Variants in TANC2 observed in about 807,000 individuals in gnomAD.
TANC2 encodes the protein tetratricopeptide repeat, ankyrin repeat and coiled-coil containing 2.
A neutral mutation model predicts 210.5 loss-of-function variants in TANC2; 26 were observed. The observed-to-expected ratio is 0.12, with a 90% CI of 0.09 to 0.17. The LOEUF (loss-of-function observed/expected upper bound fraction) is 0.17. Ranked by LOEUF, TANC2 falls within the 10% of genes least tolerant of loss-of-function variation. The pLI is 1.00. For synonymous variants in TANC2, 931 were observed against 967.1 expected (o/e 0.96, Z 0.69); for missense variants, 2,129 against 2,608.9 (o/e 0.82, Z 4.01).
intron 11 of TANC2, among the ~76,000 whole-genome samples, chr17:63,328,359 G>GGTATGT (rs1264666073): frequency 2.8e-5 from 4 of 145,118 alleles, no homozygotes; most frequent in Non-Finnish European, 1.5e-5. Context: ...TTTAAAACAT[G>GGTATGT]GTATGTGTAT....
rs564076395 is a variant in TANC2, at chr17:63,399,860, A to G, written c.3331+946A>G. Among the ~76,000 whole-genome samples the G allele has an allele frequency of 2.6e-5, 4 of 152,342 alleles. No homozygotes were observed. The South Asian group carries it at 8.3e-4, about 32-fold the overall frequency. On this transcript the variant is annotated intron_variant, in intron 19 of 27. Transcript: ENST00000689528. The stretch of plus-strand genomic sequence containing the variant: ...CACATTTCCTGACTTCTTTAACATC[A>G]TGTGGAATGGTCCAAAACTCAGGAA...
Position 63,413,728 on chromosome 17 carries a change from G to GCT in TANC2, c.4020+95_4020+96insTC, listed in dbSNP as rs531053107. On this transcript the variant is annotated intron_variant, in intron 25 of 27. Transcript: ENST00000689528. ...AAAGTCTTGATAATTCTCATCCTTT[G>GCT]CGTAGAGGCAAAGGGAAACTACTGT... 1,049 of 1,184,712 alleles carry GCT rather than the reference G, an allele frequency of 8.9e-4. 6 individuals are homozygous for GCT. The African/African-American group carries it at 0.014, about 15-fold the overall frequency. 73.4% of individuals were successfully genotyped at this position (1,184,712 alleles called of 1,614,324 possible). A position where few individuals can be genotyped will look rare whatever the true frequency, so the allele number is the denominator to read the frequency against.
At chr17:63,298,803 G>T (rs117745276) in intron 9 of TANC2, among the ~76,000 whole-genome samples, 110 of 152,204 alleles carry the variant, frequency 7.2e-4, no homozygotes, top group East Asian at 7.1e-3. Flanking sequence ...TGCAGAACTT[G>T]TAGGGTTGTT....
intron 2 of TANC2, among the ~76,000 whole-genome samples, chr17:63,058,970 G>A (rs866316251): frequency 2.0e-5 from 3 of 151,950 alleles, no homozygotes; most frequent in South Asian, 2.1e-4. Flanking sequence ...TTCCAGTTCT[G>A]TGAAGAATGT....
Position 63,342,237 on chromosome 17 carries a change from T to C in TANC2, c.1807+1905T>C, listed in dbSNP as rs113515708. ...AAGAATTTAAAATTATTATTATTAA[T>C]ATTTATTAAATATTTACCATATGCC... On this transcript the variant is annotated intron_variant, in intron 12 of 27. Coordinates refer to ENST00000689528, the Ensembl canonical transcript of TANC2. Among the ~76,000 whole-genome samples the C allele has an allele frequency of 7.6e-3, 1,157 of 152,006 alleles. 15 individuals carry two copies. The highest frequency in any genetic ancestry group is 0.025 in the African/African-American group (1,056 of 41,532).
chr17:63,240,330 C>T (rs1459403306), intron 8 of TANC2, among the ~76,000 whole-genome samples: 1 of 152,186 alleles, frequency 6.6e-6, no homozygotes, highest in East Asian at 1.9e-4. Flanking sequence ...TGTAGTCAGT[C>T]TGAATGAACA....
intron 27 of TANC2, among the ~76,000 whole-genome samples, chr17:63,419,754 C>T (rs760682277): frequency 6.6e-6 from 1 of 152,118 alleles, no homozygotes; most frequent in Non-Finnish European, 1.5e-5. Flanking sequence ...CAAAATGGGG[C>T]ATTTCTCCAC....
At chr17:63,145,593 C>T (rs28626208) in intron 4 of TANC2, among the ~76,000 whole-genome samples, 91,042 of 151,904 alleles carry the variant, frequency 0.6, 29,759 homozygotes, top group African/African-American at 0.86. Flanking sequence ...TTTTATATGA[C>T]GTAAGATAAG....
At chr17:63,000,688 T>C (rs2033332176) in intron 1 of TANC2, among the ~76,000 whole-genome samples, 1 of 152,230 alleles carries the variant, frequency 6.6e-6, no homozygotes, top group African/African-American at 2.4e-5. Flanking sequence ...GGGATGTATC[T>C]GATGATTCCT....
intron 12 of TANC2, among the ~76,000 whole-genome samples, chr17:63,346,797 T>A (rs2046425655): frequency 1.3e-5 from 2 of 152,006 alleles, no homozygotes; most frequent in Non-Finnish European, 2.9e-5. Flanking sequence ...CTCGACCCCC[T>A]CGGCTCAAGC....
chr17:63,341,732 A>G (rs772235554), intron 12 of TANC2, among the ~76,000 whole-genome samples: 2 of 152,194 alleles, frequency 1.3e-5, no homozygotes, highest in Non-Finnish European at 2.9e-5. Flanking sequence ...TCTAGACTTT[A>G]TGTGTTTCTT....
intron 1 of TANC2, among the ~76,000 whole-genome samples, chr17:63,001,000 C>T (rs891102592): frequency 6.9e-6 from 1 of 145,220 alleles, no homozygotes; most frequent in African/African-American, 2.5e-5. Flanking sequence ...TCTATATCTT[C>T]AAGAAGTAGC....
chr17:63,205,229 G>A (rs2145829071), intron 7 of TANC2, among the ~76,000 whole-genome samples: 1 of 150,994 alleles, frequency 6.6e-6, no homozygotes, highest in East Asian at 2.0e-4. Flanking sequence ...ATATTGACAT[G>A]CAAAAGAATG....
intron 5 of TANC2, among the ~76,000 whole-genome samples, chr17:63,164,425 G>A (rs921127668): frequency 3.9e-5 from 6 of 152,028 alleles, no homozygotes; most frequent in African/African-American, 1.4e-4. Context: ...ACACATCACA[G>A]TAAATACAAA....
intron 5 of TANC2, among the ~76,000 whole-genome samples, chr17:63,179,994 G>T (rs985883055): frequency 1.0e-5 from 1 of 100,296 alleles, no homozygotes; most frequent in African/African-American, 4.4e-5. Flanking sequence ...AAAAAAAAAA[G>T]CCTTGGTGTG....
chr17:63,326,878 G>A (rs1598859344), intron 11 of TANC2, among the ~76,000 whole-genome samples: 2 of 151,998 alleles, frequency 1.3e-5, no homozygotes, highest in East Asian at 3.9e-4. Flanking sequence ...ATAGACAAAT[G>A]GAATGACATG....
intron 9 of TANC2, among the ~76,000 whole-genome samples, chr17:63,268,245 C>T (rs1205638013): frequency 6.6e-6 from 1 of 151,466 alleles, no homozygotes; most frequent in African/African-American, 2.4e-5. Flanking sequence ...CTGTGCTGAT[C>T]ATAATGTACA....
At chr17:62,987,487 G>A (rs939938822) in intron 1 of TANC2, among the ~76,000 whole-genome samples, 6 of 152,144 alleles carry the variant, frequency 3.9e-5, no homozygotes, top group African/African-American at 9.7e-5. Flanking sequence ...CTCTTCTAAC[G>A]GGGGTCAGGG....
chr17:63,089,834 T>C (rs140597244), intron 3 of TANC2, among the ~76,000 whole-genome samples: 14 of 152,308 alleles, frequency 9.2e-5, no homozygotes, highest in African/African-American at 3.1e-4. Flanking sequence ...ACCTGTGCTG[T>C]TATTTTAAAA....
Sources: gnomAD v4.1 joint callset for allele counts (sites outside exome capture counted in the v4.1 genomes callset) on GRCh38, gnomAD v4.1.1 for gene constraint, MANE v1.5 for transcripts, NCBI Gene and HGNC (gene_info 2026-07-23, HGNC 2026-07-21) for gene names.